The following DLG5 variants were observed in gnomAD, a reference collection of about 807,000 sequenced individuals.
DLG5 encodes disks large homolog 5.
In DLG5, 48 loss-of-function variants were observed where a neutral mutation model predicts 189.8. The ratio of observed to expected loss-of-function variants is 0.25; its 90% CI spans 0.20 to 0.32. The LOEUF is 0.32. DLG5 is among the 10% of genes least tolerant of loss of function. DLG5 has a pLI of 1.00. For missense variants in DLG5, 2,160 were observed against 2,544.7 expected, an observed-to-expected ratio of 0.85 and a Z score of 3.25; for synonymous variants, 1,016 against 1,054.1, an observed-to-expected ratio of 0.96 and a Z score of 0.70.
chr10:77,916,417 A>G (rs1264900118), intron 1 of DLG5, among the ~76,000 whole-genome samples: 6 of 152,044 alleles, frequency 3.9e-5, no homozygotes, highest in Admixed American at 3.9e-4. Flanking sequence ...CAGCCTCCCA[A>G]GTAGCTGGGA....
intron 7 of DLG5, among the ~76,000 whole-genome samples, chr10:77,837,726 G>A (rs988941159): frequency 6.6e-6 from 1 of 152,236 alleles, no homozygotes; most frequent in Admixed American, 6.5e-5. Flanking sequence ...CCATCCTGCA[G>A]AGCTGATCAG....
intron 3 of DLG5, 137 bp downstream of exon 3, chr10:77,856,593 G>A: frequency 8.7e-7 from 1 of 1,146,078 alleles, no homozygotes; most frequent in African/African-American, 1.6e-5. Flanking sequence ...TTCTGGACAT[G>A]AGGTGGGGGA....
intron 2 of DLG5, among the ~76,000 whole-genome samples, chr10:77,858,912 AC>A (rs1333313362): frequency 6.6e-6 from 1 of 152,114 alleles, no homozygotes; most frequent in Non-Finnish European, 1.5e-5. Flanking sequence ...TCTTGTTGTC[AC>A]CCAGGCTGGA....
chr10:77,814,994 C>T (rs1841980740), intron 20 of DLG5, among the ~76,000 whole-genome samples: 1 of 152,154 alleles, frequency 6.6e-6, no homozygotes, highest in Non-Finnish European at 1.5e-5. Context: ...AATTTCATCT[C>T]CAATCGGATC....
intron 5 of DLG5, among the ~76,000 whole-genome samples, chr10:77,844,435 T>C (rs143426405): frequency 6.6e-6 from 1 of 152,364 alleles, no homozygotes; most frequent in East Asian, 1.9e-4. Flanking sequence ...TATAATTACA[T>C]ACTGAATCTT....
At chr10:77,898,420 T>G (rs1315922102) in intron 1 of DLG5, among the ~76,000 whole-genome samples, 1 of 152,208 alleles carries the variant, frequency 6.6e-6, no homozygotes, top group African/African-American at 2.4e-5. Flanking sequence ...CAGCACAATC[T>G]GAGGACGGGT....
At chr10:77,884,253 G>T (rs1845370482) in intron 1 of DLG5, among the ~76,000 whole-genome samples, 1 of 152,196 alleles carries the variant, frequency 6.6e-6, no homozygotes, top group Non-Finnish European at 1.5e-5. Flanking sequence ...GGAGGTCAAA[G>T]ATGCTATGCA....
At chr10:77,872,295 A>G (rs1474435906) in intron 1 of DLG5, among the ~76,000 whole-genome samples, 42 of 152,126 alleles carry the variant, frequency 2.8e-4, no homozygotes, top group Admixed American at 2.0e-3. Context: ...CCCTGTGGCA[A>G]GTTTCCACTG....
intron 1 of DLG5, among the ~76,000 whole-genome samples, chr10:77,887,325 G>A (rs1464775938): frequency 2.0e-5 from 3 of 152,032 alleles, no homozygotes; most frequent in Admixed American, 1.3e-4. Context: ...TCTGCCATCC[G>A]TCCTGGGCCC....
At chr10:77,902,874 A>AAATAAAT (rs1564587005) in intron 1 of DLG5, among the ~76,000 whole-genome samples, 170 of 104,628 alleles carry the variant, frequency 1.6e-3, no homozygotes, top group Middle Eastern at 6.3e-3. Flanking sequence ...AATAAATAAA[A>AAATAAAT]AAATAAATAA....
At position 77,811,175 on chromosome 10, in the gene DLG5, G is replaced by C. The variant is rs141477979; in HGVS notation, c.4382C>G (p.Pro1461Arg). 1 of 1,613,350 alleles carries C rather than the reference G, an allele frequency of 6.2e-7. No homozygotes were observed. The part of the protein sequence containing the change: ...STLQGSGTTT[P>R]EHPSVIDPLM... ...TGGGTCGATGACAGATGGATGCTCCGGGGTGGTGGTGCCACTGCCCTGGAG... is the reference window on the plus strand; with the variant it reads ...TGGGTCGATGACAGATGGATGCTCCCGGGTGGTGGTGCCACTGCCCTGGAG... The change falls in exon 23 of 32, where the codon CCG becomes CGG. Residue 1461 changes from proline (P) to arginine (R), a missense_variant. Pro to Arg is a moderately radical substitution (Grantham distance 103). Around this residue, in one of 5 missense-constraint regions of DLG5, gnomAD observed 574 missense variants for 644.2 expected, o/e 0.89. Coordinates refer to ENST00000372391, the MANE Select transcript of DLG5 (RefSeq NM_004747.4).
chr10:77,803,674 T>A (rs1051603327), intron 27 of DLG5, among the ~76,000 whole-genome samples: 11 of 151,990 alleles, frequency 7.2e-5, no homozygotes, highest in African/African-American at 2.7e-4. Flanking sequence ...CTTCAAGATA[T>A]ATATTGAAAA....
At chr10:77,937,717 T>C in the DLG5 span, among the ~76,000 whole-genome samples, 2 of 13,938 alleles carry the variant, frequency 1.4e-4, no homozygotes, top group Non-Finnish European at 3.6e-4. Context: ...ATTTTATACT[T>C]TTTTTTTTTT....
At chr10:77,806,070 G>A in intron 26 of DLG5, 1 of 508,164 alleles carries the variant, frequency 2.0e-6, no homozygotes, top group Non-Finnish European at 3.4e-6. Context: ...ACCAGGGCAA[G>A]CTCTCAGAGC....
At chr10:77,825,757 GTGTTGCCCAGGC>G (rs900618574) in intron 13 of DLG5, among the ~76,000 whole-genome samples, 17 of 151,606 alleles carry the variant, frequency 1.1e-4, no homozygotes, top group African/African-American at 4.1e-4. Flanking sequence ...GGGTTTCATT[GTGTTGCCCAGGC>G]TGGTCTCGAA....
intron 23 of DLG5, among the ~76,000 whole-genome samples, chr10:77,810,032 C>T (rs4979923): frequency 0.034 from 5,197 of 152,274 alleles, 150 homozygotes; most frequent in East Asian, 0.18. Context: ...AGGATGGCCT[C>T]CCTCCCATGT....
At chr10:77,864,049 A>G (rs1000435199) in intron 2 of DLG5, among the ~76,000 whole-genome samples, 1 of 152,196 alleles carries the variant, frequency 6.6e-6, no homozygotes, top group Non-Finnish European at 1.5e-5. Flanking sequence ...GGGTGTAAGA[A>G]GGAGGGCAGA....
chr10:77,796,268 T>C lies in DLG5; in HGVS notation c.5309-80A>G. The C allele has an allele frequency of 6.2e-7, 1 of 1,606,094 alleles. No individual in the cohort carries two copies. The highest frequency in any genetic ancestry group is 1.7e-5 in the Admixed American group (1 of 59,712). On this transcript the variant is annotated intron_variant, in intron 28 of 31. Transcript: ENST00000372391. This position sits in a 1 kb window ranked among gnomAD's most constrained non-coding sequence, Gnocchi z 5.2. Reference sequence around the variant, plus strand: ...AGAGGGAGCAGGGGAAGAACACTGCTCAGCAGCTGTCAGTAACCCAGTCCT... The same window carrying C: ...AGAGGGAGCAGGGGAAGAACACTGCCCAGCAGCTGTCAGTAACCCAGTCCT...
At chr10:77,901,441 G>A (rs1589267487) in intron 1 of DLG5, among the ~76,000 whole-genome samples, 1 of 152,214 alleles carries the variant, frequency 6.6e-6, no homozygotes, top group East Asian at 1.9e-4. Context: ...CCCCTTGGCT[G>A]GGTGCACCTG....
Sources: allele counts gnomAD v4.1 joint callset (sites outside exome capture counted in the v4.1 genomes callset), GRCh38; gene constraint gnomAD v4.1.1; regional missense constraint gnomAD v4.1.1; non-coding constraint Gnocchi (gnomAD v3.1); transcripts MANE v1.5; gene names NCBI Gene and HGNC (gene_info 2026-07-23, HGNC 2026-07-21).